Variants in OTOP1 observed in about 807,000 individuals in gnomAD.
OTOP1 encodes otopetrin 1.
Under a neutral mutation model 52.9 loss-of-function variants are expected in OTOP1, and 59 were observed. The ratio of observed to expected loss-of-function variants is 1.12; its 90% confidence interval spans 0.91 to 1.39. The LOEUF (loss-of-function observed/expected upper bound fraction) is 1.39, where lower values mean the gene tolerates loss of function less well. Among genes scored for constraint, OTOP1 ranks in the 40% most tolerant of loss-of-function variants. The pLI, the probability that OTOP1 is intolerant of heterozygous loss-of-function variation, is 0.00. For missense variants in OTOP1, 761 were observed against 800.9 expected (o/e 0.95, Z 0.60); for synonymous variants, 317 against 337.7 (o/e 0.94, Z 0.67).
intron 1 of OTOP1, among the ~76,000 whole-genome samples, chr4:4,219,884 T>C (rs143734576): frequency 0.048 from 7,016 of 145,884 alleles, 291 homozygotes; most frequent in Admixed American, 0.13. Context: ...TATGTATATA[T>C]ACACATATAT....
chr4:4,201,467 T>TACAC (rs374925758), intron 4 of OTOP1, among the ~76,000 whole-genome samples: 1,690 of 126,318 alleles, frequency 0.013, 27 homozygotes, highest in African/African-American at 0.039. Flanking sequence ...TAAATATATA[T>TACAC]ATATACACAC....
At chr4:4,217,882 G>A (rs1254841153) in intron 1 of OTOP1, among the ~76,000 whole-genome samples, 1 of 152,164 alleles carries the variant, frequency 6.6e-6, no homozygotes, top group Admixed American at 6.5e-5. Context: ...AAATTATAGT[G>A]ACCAATCAAC....
rs147025186 is a variant in OTOP1, at chr4:4,203,926, G to A, written c.600-1348C>T. Among the ~76,000 whole-genome samples the A allele has an allele frequency of 4.7e-4, 71 of 152,292 alleles. 1 individual carries two copies. The East Asian group carries it at 0.013, about 28-fold the overall frequency. The stretch of plus-strand genomic sequence containing the variant: ...AACCACAGAATCTTGGCATTCAGCC[G>A]TAGTCTTGAACTTGCCAGTACTCAA... On this transcript the variant is annotated intron_variant, in intron 3 of 5. Transcript: ENST00000296358.
intron 2 of OTOP1, among the ~76,000 whole-genome samples, chr4:4,210,192 G>A (rs73079912): frequency 1.3e-5 from 2 of 151,940 alleles, no homozygotes; most frequent in Non-Finnish European, 2.9e-5. Context: ...AAGATGAACT[G>A]CAAGAAAAAT....
chr4:4,205,315 T>C (rs1716877566), intron 3 of OTOP1, among the ~76,000 whole-genome samples: 2 of 152,142 alleles, frequency 1.3e-5, no homozygotes, highest in Admixed American at 1.3e-4. Flanking sequence ...TCTACAATAC[T>C]GAAGATTATC....
rs776562142 is a variant in OTOP1 at position 4,212,863 on chromosome 4, T to G, written c.540+5A>C. On this transcript the variant is annotated splice_donor_5th_base_variant and intron_variant, in intron 2 of 5. Transcript: ENST00000296358. Reference sequence around the variant, plus strand: ...AGACAATATAAATAAACATCAGTGGTTTACCTGCAACAAAGTATGCACTGA... The same window carrying G: ...AGACAATATAAATAAACATCAGTGGGTTACCTGCAACAAAGTATGCACTGA... The G allele has an allele frequency of 7.4e-6, 12 of 1,613,816 alleles. No homozygotes were observed. The highest frequency in any genetic ancestry group is 1.0e-5 in the Non-Finnish European group (12 of 1,179,750).
intron 4 of OTOP1, among the ~76,000 whole-genome samples, chr4:4,199,642 A>C (rs1716735476): frequency 6.6e-6 from 1 of 152,148 alleles, no homozygotes; most frequent in South Asian, 2.1e-4. Flanking sequence ...TGAACTCCTG[A>C]GCTCATGAGA....
At chr4:4,221,802 G>T (rs1367531074) in intron 1 of OTOP1, among the ~76,000 whole-genome samples, 1 of 152,186 alleles carries the variant, frequency 6.6e-6, no homozygotes, top group Non-Finnish European at 1.5e-5. Flanking sequence ...TTTTAGTAGA[G>T]ACGGGGTTTC....
chr4:4,200,264 G>A (rs184164609), intron 4 of OTOP1, among the ~76,000 whole-genome samples: 10 of 152,124 alleles, frequency 6.6e-5, no homozygotes, highest in Admixed American at 6.5e-4. Flanking sequence ...GGAAGGCCGA[G>A]GCGGGCGGAT....
chr4:4,205,033 A>T (rs577035895), intron 3 of OTOP1, among the ~76,000 whole-genome samples: 1 of 152,144 alleles, frequency 6.6e-6, no homozygotes, highest in African/African-American at 2.4e-5. Flanking sequence ...GGGCCTCCCA[A>T]AGTGCTGGGA....
At chr4:4,216,765 G>A (rs1331279323) in intron 1 of OTOP1, among the ~76,000 whole-genome samples, 1 of 152,194 alleles carries the variant, frequency 6.6e-6, no homozygotes, top group African/African-American at 2.4e-5. Flanking sequence ...TGAGTGGCAA[G>A]AGCACAGGCA....
chr4:4,200,668 G>A (rs555888722), intron 4 of OTOP1, among the ~76,000 whole-genome samples: 105 of 147,278 alleles, frequency 7.1e-4, no homozygotes, highest in African/African-American at 2.4e-3. Flanking sequence ...ATCCACCTGC[G>A]TCAGTCTCCC....
intron 3 of OTOP1, among the ~76,000 whole-genome samples, chr4:4,203,914 T>C (rs1184180175): frequency 5.9e-5 from 9 of 152,230 alleles, no homozygotes; most frequent in African/African-American, 2.2e-4. Flanking sequence ...CACAGAATCT[T>C]GGCATTCAGC....
In OTOP1 at chr4:4,196,469, A is replaced by G. The variant is rs181498126; in HGVS notation, c.1668+697T>C. On this transcript the variant is annotated intron_variant, in intron 5 of 5. Transcript: ENST00000296358. ...CTACTCTGGAGGCTGAGGCAGGAGA[A>G]TCACTTCAACTCGGGAGGCAGAGGT... 1.8e-4 allele frequency among the ~76,000 whole-genome samples: 28 copies of G among 152,352 alleles called. No homozygotes were observed. The East Asian group carries it at 2.9e-3, about 16-fold the overall frequency.
intron 2 of OTOP1, among the ~76,000 whole-genome samples, chr4:4,208,966 C>T (rs1716969050): frequency 6.6e-6 from 1 of 152,128 alleles, no homozygotes; most frequent in Non-Finnish European, 1.5e-5. Flanking sequence ...AAAAAGAGTT[C>T]ATCGTTTCTA....
At chr4:4,198,341 A>T (rs900765075) in intron 4 of OTOP1, among the ~76,000 whole-genome samples, 3 of 152,148 alleles carry the variant, frequency 2.0e-5, no homozygotes, top group Non-Finnish European at 4.4e-5. Flanking sequence ...GCCAAAGAGG[A>T]TAGAGAAGAT....
At chr4:4,207,599 A>G (rs1343935100) in intron 2 of OTOP1, among the ~76,000 whole-genome samples, 18 of 17,154 alleles carry the variant, frequency 1.0e-3, no homozygotes, top group African/African-American at 6.3e-3. Flanking sequence ...TTCTGGGTAT[A>G]TATATATATA....
intron 4 of OTOP1, among the ~76,000 whole-genome samples, chr4:4,199,806 C>T (rs1489270847): frequency 2.0e-5 from 3 of 152,154 alleles, no homozygotes; most frequent in African/African-American, 4.8e-5. Context: ...ATGCAAGTCA[C>T]GACCCAGTAC....
At chr4:4,222,202 T>C (rs1468169168) in intron 1 of OTOP1, among the ~76,000 whole-genome samples, 1 of 151,954 alleles carries the variant, frequency 6.6e-6, no homozygotes, top group East Asian at 1.9e-4. Flanking sequence ...TAATACAATC[T>C]CCTGCTTGAT....
Sources: gnomAD v4.1 joint callset for allele counts (sites outside exome capture counted in the v4.1 genomes callset) on GRCh38, gnomAD v4.1.1 for gene constraint, MANE v1.5 for transcripts, NCBI Gene and HGNC (gene_info 2026-07-23, HGNC 2026-07-21) for gene names.